RGS7: variants seen among roughly 807,000 people sequenced by gnomAD.
RGS7 encodes regulator of G-protein signaling 7.
Under a neutral mutation model 81.1 loss-of-function variants are expected in RGS7, and 27 were observed. The observed-to-expected ratio is 0.33, with a 90% CI of 0.25 to 0.46. The LOEUF (loss-of-function observed/expected upper bound fraction) is 0.46, where lower values mean the gene tolerates loss of function less well. Ranked by LOEUF, RGS7 falls within the 20% of genes least tolerant of loss-of-function variation. The pLI, the probability that RGS7 is intolerant of heterozygous loss-of-function variation, is 1.00. For missense variants in RGS7, 396 were observed against 607.4 expected, an observed-to-expected ratio of 0.65 and a Z score of 3.66; for synonymous variants, 208 against 207.7, an observed-to-expected ratio of 1.00 and a Z score of -0.01.
intron 2 of RGS7, among the ~76,000 whole-genome samples, chr1:241,223,833 T>G (rs1166755024): frequency 6.6e-6 from 1 of 152,020 alleles, no homozygotes; most frequent in Non-Finnish European, 1.5e-5. Context: ...TAAATGCGTA[T>G]AAAACACTGA....
intron 2 of RGS7, among the ~76,000 whole-genome samples, chr1:241,213,168 G>A (rs1303534017): frequency 6.6e-6 from 1 of 152,184 alleles, no homozygotes; most frequent in East Asian, 1.9e-4. Context: ...CTCACTGATA[G>A]ATAATGTTTT....
At chr1:240,788,066 A>G (rs1043753560) in intron 18 of RGS7, among the ~76,000 whole-genome samples, 3 of 152,226 alleles carry the variant, frequency 2.0e-5, no homozygotes, top group African/African-American at 7.2e-5. Flanking sequence ...AGAACAGGAA[A>G]TTATTAAATG....
At chr1:240,997,710 G>T (rs1687507643) in intron 3 of RGS7, among the ~76,000 whole-genome samples, 1 of 152,146 alleles carries the variant, frequency 6.6e-6, no homozygotes, top group African/African-American at 2.4e-5. Flanking sequence ...TGTAATCCCA[G>T]CTACTCAGGA....
chr1:241,135,813 C>T (rs1447370170), intron 2 of RGS7, among the ~76,000 whole-genome samples: 1 of 151,368 alleles, frequency 6.6e-6, no homozygotes, highest in Non-Finnish European at 1.5e-5. Context: ...GACAGAGTTG[C>T]CCAGGCTAGA....
At chr1:241,279,241 A>C (rs1011292781) in intron 2 of RGS7, among the ~76,000 whole-genome samples, 1 of 152,210 alleles carries the variant, frequency 6.6e-6, no homozygotes, top group Non-Finnish European at 1.5e-5. Context: ...TCAGTATCCA[A>C]GAGAGCTCAC....
chr1:240,930,808 A>C, intron 5 of RGS7, 40 bp from the exon 6 acceptor site: 1 of 1,590,548 alleles, frequency 6.3e-7, no homozygotes, highest in Non-Finnish European at 8.6e-7. Context: ...TTAGACAAAT[A>C]AAAAATTAGT....
intron 2 of RGS7, among the ~76,000 whole-genome samples, chr1:241,136,160 G>C (rs2067501737): frequency 6.6e-6 from 1 of 152,110 alleles, no homozygotes; most frequent in Non-Finnish European, 1.5e-5. Context: ...CTTTCAAGTG[G>C]GTGAGGGTAG....
chr1:240,857,819 T>C (rs982165031), intron 9 of RGS7, among the ~76,000 whole-genome samples: 5 of 152,144 alleles, frequency 3.3e-5, no homozygotes, highest in African/African-American at 1.2e-4. Flanking sequence ...GGGAGGGACC[T>C]GGTGGGAGGT....
At chr1:241,036,383 C>A (rs2060327585) in intron 3 of RGS7, among the ~76,000 whole-genome samples, 1 of 152,166 alleles carries the variant, frequency 6.6e-6, no homozygotes. Context: ...AGATTTTATT[C>A]ATAAGTCCTG....
intron 2 of RGS7, among the ~76,000 whole-genome samples, chr1:241,153,873 C>T (rs891367975): frequency 6.6e-6 from 1 of 152,130 alleles, no homozygotes; most frequent in Non-Finnish European, 1.5e-5. Context: ...GGGGTTTGAA[C>T]GTGAGGAGGA....
At chr1:241,104,965 T>C (rs2065012031) in intron 2 of RGS7, among the ~76,000 whole-genome samples, 1 of 152,192 alleles carries the variant, frequency 6.6e-6, no homozygotes, top group Non-Finnish European at 1.5e-5. Flanking sequence ...AAAACAAAAG[T>C]GGAAGTTAAT....
intron 2 of RGS7, among the ~76,000 whole-genome samples, chr1:241,318,475 A>T (rs563877980): frequency 6.7e-6 from 1 of 149,102 alleles, no homozygotes; most frequent in African/African-American, 2.5e-5. Flanking sequence ...TTTTTTTCCC[A>T]GACAGAGTTT....
intron 2 of RGS7, among the ~76,000 whole-genome samples, chr1:241,235,735 CTCTT>C (rs1219410438): frequency 2.0e-5 from 3 of 147,456 alleles, no homozygotes; most frequent in South Asian, 2.3e-4. Context: ...TCCTTTCCTT[CTCTT>C]TCTCTCTCTC....
chr1:241,033,538 A>T (rs1211026853), intron 3 of RGS7, among the ~76,000 whole-genome samples: 2 of 152,010 alleles, frequency 1.3e-5, no homozygotes, highest in Non-Finnish European at 2.9e-5. Flanking sequence ...TATTTTGAAA[A>T]TTTTTATGAG....
intron 2 of RGS7, among the ~76,000 whole-genome samples, chr1:241,302,005 T>A (rs1360390230): frequency 6.6e-6 from 1 of 152,132 alleles, no homozygotes; most frequent in African/African-American, 2.4e-5. Flanking sequence ...GGATCAGGAG[T>A]TCTGGGCCAG....
intron 3 of RGS7, among the ~76,000 whole-genome samples, chr1:241,068,238 G>GTGTGTGTGTGTGTGTGTATATATATATA: frequency 1.7e-4 from 6 of 35,676 alleles, no homozygotes; most frequent in African/African-American, 5.7e-4. Context: ...GTGTGTGTGT[G>GTGTGTGTGTGTGTGTGTATATATATATA]TATATATATA....
chr1:240,822,958 C>T (rs1426875333), intron 10 of RGS7: 1 of 486,588 alleles, frequency 2.1e-6, no homozygotes, highest in African/African-American at 2.0e-5. Flanking sequence ...ATAAATAATA[C>T]ATTTTTTTTC....
intron 3 of RGS7, among the ~76,000 whole-genome samples, chr1:241,088,803 A>G (rs991113771): frequency 6.6e-6 from 1 of 151,786 alleles, no homozygotes; most frequent in African/African-American, 2.4e-5. Context: ...CGAGGTCAGG[A>G]GATCGAGACC....
chr1:241,026,716 C>T (rs1572338743), intron 3 of RGS7, among the ~76,000 whole-genome samples: 2 of 152,174 alleles, frequency 1.3e-5, no homozygotes, highest in South Asian at 2.1e-4. Context: ...GAGAGAGACA[C>T]AACCTTGAGC....
Sources: gnomAD v4.1 joint callset for allele counts (sites outside exome capture counted in the v4.1 genomes callset) on GRCh38, gnomAD v4.1.1 for gene constraint, MANE v1.5 for transcripts, NCBI Gene and HGNC (gene_info 2026-07-23, HGNC 2026-07-21) for gene names.